Variants in NELL1 observed in about 807,000 individuals in gnomAD.
NELL1 encodes the protein neural EGFL like 1.
A neutral mutation model predicts 107.4 loss-of-function variants in NELL1; 76 were observed. The ratio of observed to expected loss-of-function variants is 0.71; its 90% CI spans 0.59 to 0.86. The LOEUF (loss-of-function observed/expected upper bound fraction) is 0.86. Among genes scored for constraint, NELL1 ranks in the 40% least tolerant of loss-of-function variants. The pLI, the probability that NELL1 is intolerant of heterozygous loss-of-function variation, is 0.00. For synonymous variants in NELL1, 353 were observed against 341.2 expected (o/e 1.03, Z -0.38); for missense variants, 1,024 against 1,005.5 (o/e 1.02, Z -0.25).
At chr11:21,225,635 A>G (rs985968291) in intron 13 of NELL1, among the ~76,000 whole-genome samples, 1 of 152,074 alleles carries the variant, frequency 6.6e-6, no homozygotes, top group Non-Finnish European at 1.5e-5. Context: ...AGTGCTGGAC[A>G]CCTCTATTTA....
chr11:20,685,262 T>C (rs1854279894), intron 2 of NELL1, among the ~76,000 whole-genome samples: 1 of 152,092 alleles, frequency 6.6e-6, no homozygotes, highest in African/African-American at 2.4e-5. Context: ...CATTGACTGA[T>C]GGCTAGTGTC....
chr11:21,270,029 C>T (rs1263581081), intron 14 of NELL1, among the ~76,000 whole-genome samples: 2 of 151,818 alleles, frequency 1.3e-5, no homozygotes, highest in South Asian at 2.1e-4. Flanking sequence ...CTGTGGCAAT[C>T]GCTTTTTGTT....
intron 15 of NELL1, among the ~76,000 whole-genome samples, chr11:21,402,674 T>C (rs1350531756): frequency 1.3e-5 from 2 of 151,590 alleles, no homozygotes; most frequent in Non-Finnish European, 2.9e-5. Flanking sequence ...AAATTCACCT[T>C]TTGTTCAAGA....
chr11:20,789,705 T>C (rs943434015), intron 3 of NELL1, among the ~76,000 whole-genome samples: 3 of 152,252 alleles, frequency 2.0e-5, no homozygotes, highest in African/African-American at 7.2e-5. Flanking sequence ...AGAAGCTTTA[T>C]TGAGCAATAG....
At chr11:20,778,617 C>T (rs1856795780) in intron 2 of NELL1, among the ~76,000 whole-genome samples, 1 of 149,972 alleles carries the variant, frequency 6.7e-6, no homozygotes, top group African/African-American at 2.5e-5. Flanking sequence ...GCACTTCACT[C>T]TTGCTGCTGA....
chr11:21,247,077 G>A (rs1447046103), intron 14 of NELL1, among the ~76,000 whole-genome samples: 1 of 152,086 alleles, frequency 6.6e-6, no homozygotes, highest in African/African-American at 2.4e-5. Context: ...GATAAAGAGT[G>A]GTACACCTAT....
chr11:20,895,196 C>T lies in NELL1; in HGVS notation c.603+9656C>T, dbSNP rs1849701434. 5.8e-5 allele frequency among the ~76,000 whole-genome samples: 7 copies of T among 120,096 alleles called. No individual in the cohort carries two copies. In the South Asian group the frequency reaches 2.1e-3, roughly 36 times the overall value. 78.8% of individuals were successfully genotyped at this position (120,096 alleles called of 152,430 possible). A position where few individuals can be genotyped will look rare whatever the true frequency, so the allele number is the denominator to read the frequency against. On this transcript the variant is annotated intron_variant, in intron 5 of 19. Transcript: ENST00000357134. ...CTGAGGCAGGAGAATGGCGTGAACC[C>T]GGGAGGCGGAGCTTGCAGTGAGCCG... is the stretch of plus-strand genomic sequence containing the variant.
intron 14 of NELL1, among the ~76,000 whole-genome samples, chr11:21,368,200 G>T (rs1851274313): frequency 6.6e-6 from 1 of 151,904 alleles, no homozygotes; most frequent in African/African-American, 2.4e-5. Flanking sequence ...TGATTTCTTG[G>T]TTATTTCAGA....
rs375263928 is a variant in NELL1, at chr11:20,915,718, T to TATATA, written c.604-2464_604-2463insATATA. On this transcript the variant is annotated intron_variant, in intron 5 of 19. Coordinates refer to ENST00000357134, the MANE Select transcript of NELL1 (RefSeq NM_006157.5). ...CATAGATGATATATATATATATATA[T>TATATA]TTTTTTTTTTTTTTTTTGAGAGGAA... 2.6e-4 allele frequency among the ~76,000 whole-genome samples: 13 copies of TATATA among 49,278 alleles called. No individual in the cohort carries two copies. In the South Asian group the frequency reaches 2.7e-3, roughly 10 times the overall value. The allele number at this position is 49,278 out of a possible 152,430, so 32.3% of individuals were successfully genotyped here.
chr11:20,863,134 G>A (rs1376804494), intron 4 of NELL1, among the ~76,000 whole-genome samples: 1 of 151,980 alleles, frequency 6.6e-6, no homozygotes, highest in Admixed American at 6.5e-5. Context: ...TAGATGGGGT[G>A]GTGGCCGGGC....
At chr11:20,948,729 G>C (rs916718734) in intron 11 of NELL1, among the ~76,000 whole-genome samples, 4 of 120,702 alleles carry the variant, frequency 3.3e-5, no homozygotes, top group Non-Finnish European at 6.6e-5. Context: ...AGCAGAATTA[G>C]ATGAATTAGG....
chr11:21,203,409 C>A (rs1305966402), intron 13 of NELL1, among the ~76,000 whole-genome samples: 4 of 143,970 alleles, frequency 2.8e-5, no homozygotes, highest in African/African-American at 1.0e-4. Context: ...CTTTGTTATC[C>A]GTCTAGAATT....
chr11:21,408,273 C>T (rs2133806674), intron 15 of NELL1, among the ~76,000 whole-genome samples: 1 of 152,132 alleles, frequency 6.6e-6, no homozygotes, highest in South Asian at 2.1e-4. Context: ...CTTCTAACTA[C>T]TCCCACTCTT....
At chr11:20,914,461 G>A (rs966326347) in intron 5 of NELL1, among the ~76,000 whole-genome samples, 2 of 152,064 alleles carry the variant, frequency 1.3e-5, no homozygotes, top group African/African-American at 4.8e-5. Context: ...TTCTGATAAG[G>A]GGTTGTGGAG....
chr11:20,972,418 G>C (rs778861151), intron 12 of NELL1, among the ~76,000 whole-genome samples: 4 of 152,082 alleles, frequency 2.6e-5, no homozygotes, highest in East Asian at 1.9e-4. Flanking sequence ...CAGTCAAGAG[G>C]GGGTGGGTTG....
intron 1 of NELL1, among the ~76,000 whole-genome samples, chr11:20,673,731 T>C (rs955108052): frequency 6.6e-6 from 1 of 152,222 alleles, no homozygotes; most frequent in African/African-American, 2.4e-5. Flanking sequence ...TTAATTGTAA[T>C]TCCCAATTTT....
chr11:21,318,557 G>A (rs937954100), intron 14 of NELL1, among the ~76,000 whole-genome samples: 1 of 151,854 alleles, frequency 6.6e-6, no homozygotes, highest in African/African-American at 2.4e-5. Flanking sequence ...TTTCAGGAAG[G>A]ACCTCACCCT....
At chr11:20,685,138 T>C (rs1333107767) in intron 2 of NELL1, among the ~76,000 whole-genome samples, 3 of 152,036 alleles carry the variant, frequency 2.0e-5, no homozygotes, top group Middle Eastern at 6.8e-3. Flanking sequence ...CTCAAGGAGA[T>C]TGCCTGAGTT....
At position 21,573,220 on chromosome 11, in the gene NELL1, C is replaced by T. The variant is rs760783884; in HGVS notation, c.2193C>T (p.Pro731=). Residue 731 remains proline (P), a synonymous_variant, in exon 19 of 20, where the codon CCC becomes CCT. Coordinates refer to ENST00000357134, the MANE Select transcript of NELL1 (RefSeq NM_006157.5). ...TAGATTGCTGGCCACTCACTTGCCC[C>T]AACTTGAGCTGTGAGTATACAGCTA... ...GEVDCWPLTC[P]NLSCEYTAIL... is the part of the protein sequence containing the mutation. The T allele has an allele frequency of 5.6e-6, 9 of 1,612,138 alleles. No individual in the cohort carries two copies. The highest frequency in any genetic ancestry group is 7.6e-6 in the Non-Finnish European group (9 of 1,178,806).
Sources: gnomAD v4.1 joint callset for allele counts (sites outside exome capture counted in the v4.1 genomes callset) on GRCh38, gnomAD v4.1.1 for gene constraint, MANE v1.5 for transcripts, NCBI Gene and HGNC (gene_info 2026-07-23, HGNC 2026-07-21) for gene names.